DLGAP4: variants seen among roughly 807,000 people sequenced by gnomAD.
DLGAP4 encodes the protein DLG associated protein 4, also known as disks large-associated protein 4.
In DLGAP4, 18 loss-of-function variants were observed where a neutral mutation model predicts 86.9. The ratio of observed to expected loss-of-function variants is 0.21; its 90% confidence interval spans 0.14 to 0.31. DLGAP4 has a LOEUF of 0.31. Among genes scored for constraint, DLGAP4 ranks in the 10% least tolerant of loss-of-function variants. The pLI is 1.00. For synonymous variants in DLGAP4, 548 were observed against 574.3 expected (o/e 0.95, Z 0.65); for missense variants, 1,085 against 1,362.6 (o/e 0.80, Z 3.21).
At chr20:36,480,104 A>G (rs1027294570) in intron 7 of DLGAP4, among the ~76,000 whole-genome samples, 30 of 152,330 alleles carry the variant, frequency 2.0e-4, no homozygotes, top group Admixed American at 2.6e-4. Context: ...ATTCAGACCC[A>G]GGAGCTTAAG....
chr20:36,436,084 A>G, intron 3 of DLGAP4, 25 bp from the exon 4 acceptor site: 1 of 1,538,258 alleles, frequency 6.5e-7, no homozygotes. Flanking sequence ...CGGTGGCCCC[A>G]CTGAGTCCTG....
At chr20:36,439,019 T>A (rs939761139) in intron 4 of DLGAP4, among the ~76,000 whole-genome samples, 1 of 151,938 alleles carries the variant, frequency 6.6e-6, no homozygotes, top group Non-Finnish European at 1.5e-5. Context: ...GGCATTAAGG[T>A]GGGAGAGGCA....
intron 1 of DLGAP4, among the ~76,000 whole-genome samples, chr20:36,332,621 C>T (rs570851019): frequency 2.6e-5 from 4 of 152,228 alleles, no homozygotes; most frequent in Non-Finnish European, 4.4e-5. Flanking sequence ...AACTCCTAAC[C>T]TCAAGTGATC....
In DLGAP4 at chr20:36,500,335, G is replaced by T. The variant is rs1255002459; in HGVS notation, c.2236G>T (p.Asp746Tyr). ...CCCTCACCCCAACTCCATCAGCATC[G>T]ATGCCGGTCCCCGGCAGGCCCCCAA... ...CTPHPNSISI[D>Y]AGPRQAPKIA... The change falls in exon 10 of 13, where the codon GAT (aspartate) becomes TAT (tyrosine). Residue 746 changes from aspartate to tyrosine, a missense_variant. Physicochemically the swap from Asp to Tyr is radical, Grantham distance 160. Transcript: ENST00000339266. The surrounding 1 kb of genome is among the most constrained non-coding windows in gnomAD (Gnocchi z 4.6). The T allele has an allele frequency of 1.2e-6, 2 of 1,613,834 alleles. No homozygotes were observed. The highest frequency in any genetic ancestry group is 1.7e-6 in the Non-Finnish European group (2 of 1,179,868).
In DLGAP4 at chr20:36,527,931, G is replaced by T. The variant is rs1240338992; in HGVS notation, c.*900G>T. The T allele has an allele frequency of 6.5e-6, 1 of 152,674 alleles. No individual in the cohort carries two copies. Among genetic ancestry groups the T allele is most frequent in the Non-Finnish European group, 1.5e-5 (1 of 68,072 alleles). The allele number at this position is 152,674 out of a possible 1,614,324, so 9.5% of individuals were successfully genotyped here. A position where few individuals can be genotyped will look rare whatever the true frequency, so the allele number is the denominator to read the frequency against. ...GAGGGGCGGGCGGCGGTGTCTGTAT[G>T]TATGTGTACATATGCACATAGACCT... is the stretch of plus-strand genomic sequence containing the variant. On this transcript the variant is annotated 3_prime_UTR_variant, in exon 13 of 13. Coordinates refer to ENST00000339266, the MANE Select transcript of DLGAP4 (RefSeq NM_001365621.2).
intron 7 of DLGAP4, among the ~76,000 whole-genome samples, chr20:36,458,340 A>AT (rs1440100427): frequency 7.4e-6 from 1 of 135,594 alleles, no homozygotes; most frequent in Non-Finnish European, 1.6e-5. Flanking sequence ...GTGAAACCCC[A>AT]TATCTTTTTT....
chr20:36,442,605 C>G, intron 5 of DLGAP4, 122 bp from the exon 6 acceptor site: 9 of 1,077,630 alleles, frequency 8.4e-6, no homozygotes, highest in South Asian at 1.4e-5. Context: ...CAGCTGTGTC[C>G]CAGCCAGTCT....
Position 36,442,709 on chromosome 20 carries a change from A to AC in DLGAP4, c.1357-15dup. 1 of 1,613,128 alleles carries AC rather than the reference A, an allele frequency of 6.2e-7. No homozygotes were observed. The highest frequency in any genetic ancestry group is 1.7e-4 in the Middle Eastern group (1 of 6,058). ...CAGCCCTGGTCCTTCCATAACCCTCACCCTCTCTTTCCTGCAGATTTTTGG... is the reference window on the plus strand; with the variant it reads ...CAGCCCTGGTCCTTCCATAACCCTCACCCCTCTCTTTCCTGCAGATTTTTGG... On this transcript the variant is annotated splice_polypyrimidine_tract_variant and intron_variant, in intron 5 of 12. Coordinates refer to ENST00000339266, the MANE Select transcript of DLGAP4 (RefSeq NM_001365621.2).
At chr20:36,441,077 A>G (rs555670176) in intron 5 of DLGAP4, among the ~76,000 whole-genome samples, 2 of 151,960 alleles carry the variant, frequency 1.3e-5, no homozygotes, top group South Asian at 2.1e-4. Context: ...GCCGTCCTCC[A>G]ATCCATACTC....
At chr20:36,442,635 C>T in intron 5 of DLGAP4, 92 bp from the exon 6 acceptor site, 1 of 1,435,002 alleles carries the variant, frequency 7.0e-7, no homozygotes, top group Non-Finnish European at 9.8e-7. Context: ...GTTAGACCAG[C>T]CAGCTTCAAG....
intron 2 of DLGAP4, among the ~76,000 whole-genome samples, chr20:36,383,937 T>C (rs1382462981): frequency 6.8e-6 from 1 of 146,196 alleles, no homozygotes; most frequent in Admixed American, 7.0e-5. Context: ...TGGCACTCCT[T>C]AGCGCCACTG....
At chr20:36,438,769 C>A (rs575010023) in intron 4 of DLGAP4, among the ~76,000 whole-genome samples, 2 of 140,026 alleles carry the variant, frequency 1.4e-5, no homozygotes, top group Non-Finnish European at 3.0e-5. Flanking sequence ...AGTGCAGTGG[C>A]ACAAACTTGG....
At chr20:36,511,522 G>C (rs1050396070) in intron 10 of DLGAP4, among the ~76,000 whole-genome samples, 3 of 151,946 alleles carry the variant, frequency 2.0e-5, no homozygotes, top group Non-Finnish European at 4.4e-5. Context: ...ATTTTTATTA[G>C]ATTTATTCCT....
At chr20:36,413,479 A>G (rs2032564279) in intron 2 of DLGAP4, among the ~76,000 whole-genome samples, 2 of 123,572 alleles carry the variant, frequency 1.6e-5, no homozygotes, top group African/African-American at 3.2e-5. Flanking sequence ...GTGCAGTGGC[A>G]TGATCTCAGC....
chr20:36,438,505 G>A (rs962977790), intron 4 of DLGAP4, among the ~76,000 whole-genome samples: 12 of 150,144 alleles, frequency 8.0e-5, no homozygotes, highest in East Asian at 2.0e-4. Context: ...GATGACCTTC[G>A]CCAGTCTTTT....
At chr20:36,436,068 T>TGAG (rs2033265862) in intron 3 of DLGAP4, 41 bp from the exon 4 acceptor site, 1 of 1,509,066 alleles carries the variant, frequency 6.6e-7, no homozygotes, top group Non-Finnish European at 8.8e-7. Context: ...ATCTGCTCAT[T>TGAG]TTCTGCGGTG....
intron 1 of DLGAP4, among the ~76,000 whole-genome samples, chr20:36,341,547 C>T (rs145188168): frequency 6.6e-6 from 1 of 152,352 alleles, no homozygotes; most frequent in Non-Finnish European, 1.5e-5. Context: ...GAGAGAGGTG[C>T]GGTTTCCATC....
At chr20:36,472,937 A>C (rs547243365) in intron 7 of DLGAP4, among the ~76,000 whole-genome samples, 1 of 152,302 alleles carries the variant, frequency 6.6e-6, no homozygotes, top group Non-Finnish European at 1.5e-5. Context: ...GCCAGGCTAC[A>C]GACAGGCAGT....
intron 2 of DLGAP4, among the ~76,000 whole-genome samples, chr20:36,410,776 C>A (rs76107461): frequency 0.046 from 7,052 of 152,140 alleles, 522 homozygotes; most frequent in African/African-American, 0.16. Context: ...ACACCTCCCA[C>A]CAAACCCCAC....
Sources: allele counts gnomAD v4.1 joint callset (sites outside exome capture counted in the v4.1 genomes callset), GRCh38; gene constraint gnomAD v4.1.1; non-coding constraint Gnocchi (gnomAD v3.1); transcripts MANE v1.5; gene names NCBI Gene and HGNC (gene_info 2026-07-23, HGNC 2026-07-21).